Variants in KLC4 observed in about 807,000 individuals in gnomAD.
KLC4 encodes kinesin light chain 4.
In KLC4, 49 loss-of-function variants were observed where a neutral mutation model predicts 77.2. That is an observed-to-expected ratio of 0.63 (90% confidence interval 0.50 to 0.80). The LOEUF is 0.80. Ranked by LOEUF, KLC4 falls within the 30% of genes least tolerant of loss-of-function variation. The pLI is 0.00. For missense variants in KLC4, 669 were observed against 793.5 expected, an observed-to-expected ratio of 0.84 and a Z score of 1.89; for synonymous variants, 274 against 314.5, an observed-to-expected ratio of 0.87 and a Z score of 1.36.
chr6:43,074,770 C>T lies in KLC4; in HGVS notation c.*98C>T. On this transcript the variant is annotated 3_prime_UTR_variant, in exon 16 of 16. Transcript: ENST00000347162. ...GGCTCTTCCCCACCCCTAGGTGGGA[C>T]AGTGAAGGGGAGCAGTTTAACCAGA... is the stretch of plus-strand genomic sequence containing the variant. The T allele has an allele frequency of 1.0e-6, 1 of 984,696 alleles. No homozygotes were observed. Among genetic ancestry groups the T allele is most frequent in the South Asian group, 1.3e-5 (1 of 77,262 alleles). The allele number at this position is 984,696 out of a possible 1,614,324, so 61.0% of individuals were successfully genotyped here.
chr6:43,060,677 T>C, intron 1 of KLC4: 1 of 1,023,312 alleles, frequency 9.8e-7, no homozygotes, highest in African/African-American at 1.7e-5. Context: ...TCCTGGGGGG[T>C]GGGAAGTATG....
rs1486942108 is a variant in KLC4 at position 43,074,605 on chromosome 6, A to C, written c.1810-17A>C. Reference sequence around the variant, plus strand: ...GCCGAGGTCCCTGAGCTGATGGGGTAGTGTTGTCTGTTTCAGGTCTCCCGG... The same window carrying C: ...GCCGAGGTCCCTGAGCTGATGGGGTCGTGTTGTCTGTTTCAGGTCTCCCGG... On this transcript the variant is annotated splice_polypyrimidine_tract_variant and intron_variant, in intron 15 of 15. Transcript: ENST00000347162. 1 of 1,613,008 alleles carries C rather than the reference A, an allele frequency of 6.2e-7. No individual in the cohort carries two copies. The highest frequency in any genetic ancestry group is 1.7e-5 in the Admixed American group (1 of 60,018).
At chr6:43,073,615 C>G in intron 14 of KLC4, 1 of 534,490 alleles carries the variant, frequency 1.9e-6, no homozygotes, top group Non-Finnish European at 3.3e-6. Context: ...CCATTGCACT[C>G]CAGCCCAGGC....
chr6:43,069,570 A>T (rs1160417699), intron 6 of KLC4, among the ~76,000 whole-genome samples: 1 of 151,782 alleles, frequency 6.6e-6, no homozygotes, highest in Non-Finnish European at 1.5e-5. Flanking sequence ...TTTTGTTGAG[A>T]TAGAGTTTCA....
At chr6:43,074,453 A>C (rs1470509451) in intron 15 of KLC4, 169 bp from the exon 16 acceptor site, 3 of 620,880 alleles carry the variant, frequency 4.8e-6, no homozygotes, top group Non-Finnish European at 8.6e-6. Context: ...CTTCTGGAAA[A>C]CCCTAGCAGA....
chr6:43,060,193 G>A (rs1765068857), intron 1 of KLC4: 8 of 1,613,920 alleles, frequency 5.0e-6, no homozygotes, highest in Non-Finnish European at 6.8e-6. Context: ...GTAGGTGACC[G>A]TGACAGAGAC....
At chr6:43,066,752 T>C (rs1234659888) in intron 5 of KLC4, among the ~76,000 whole-genome samples, 4 of 152,172 alleles carry the variant, frequency 2.6e-5, no homozygotes, top group African/African-American at 9.6e-5. Flanking sequence ...TTCTGGGGAG[T>C]GCTCTCTCCC....
chr6:43,068,260 T>G (rs1765552780), intron 6 of KLC4, among the ~76,000 whole-genome samples: 1 of 145,726 alleles, frequency 6.9e-6, no homozygotes, highest in African/African-American at 2.6e-5. Context: ...AATCACGAGG[T>G]CAGGAGTTCA....
intron 6 of KLC4, chr6:43,067,402 T>G: frequency 2.4e-6 from 1 of 416,174 alleles, no homozygotes; most frequent in Admixed American, 4.2e-5. Flanking sequence ...AGAAAAGTAA[T>G]TTGTAAGGAC....
At chr6:43,071,675 T>A (rs1210860029) in intron 10 of KLC4, 56 bp downstream of exon 10, 92 of 1,562,674 alleles carry the variant, frequency 5.9e-5, no homozygotes, top group Non-Finnish European at 5.2e-5. Flanking sequence ...GGGGTCTCTG[T>A]CTTACTCCTT....
chr6:43,072,748 T>C (rs1158484576), intron 12 of KLC4, 76 bp from the exon 13 acceptor site: 7 of 1,463,690 alleles, frequency 4.8e-6, no homozygotes, highest in South Asian at 2.5e-5. Context: ...CAGTGGCTGA[T>C]GGTGAAAAAA....
At chr6:43,070,259 G>A (rs1275210926) in intron 6 of KLC4, 95 bp from the exon 7 acceptor site, 1 of 781,012 alleles carries the variant, frequency 1.3e-6, no homozygotes, top group Non-Finnish European at 2.2e-6. Context: ...GAGTTGTGCA[G>A]TGAGTGTTGG....
rs531066425 is a variant in KLC4, at chr6:43,063,548, G to A, written c.489+401G>A. Among the ~76,000 whole-genome samples the A allele has an allele frequency of 2.0e-5, 3 of 146,370 alleles. No individual in the cohort carries two copies. The South Asian group carries it at 6.5e-4, about 32-fold the overall frequency. ...CCCTCCTAAAATTTGCTTTCAAAAT[G>A]TGTGAATTTTTTTTTTTTTTTTGAG... On this transcript the variant is annotated intron_variant, in intron 3 of 15. Coordinates refer to ENST00000347162, the MANE Select transcript of KLC4 (RefSeq NM_201521.3).
chr6:43,071,135 A>T, intron 8 of KLC4, 140 bp from the exon 9 acceptor site: 1 of 647,956 alleles, frequency 1.5e-6, no homozygotes, highest in Non-Finnish European at 2.7e-6. Flanking sequence ...TGTGAGAAAG[A>T]TCTCTGGGGA....
chr6:43,061,085 C>G, intron 1 of KLC4: 1 of 563,538 alleles, frequency 1.8e-6, no homozygotes, highest in Non-Finnish European at 3.2e-6. Context: ...CTACTATAGT[C>G]TTCCTTTATT....
At chr6:43,061,688 A>G in intron 2 of KLC4, 95 bp downstream of exon 2, 1 of 1,252,424 alleles carries the variant, frequency 8.0e-7, no homozygotes, top group Non-Finnish European at 1.1e-6. Context: ...ACCTCACTCT[A>G]GACGTTTGCA....
At position 43,066,297 on chromosome 6, in the gene KLC4, A is replaced by G; in HGVS notation, c.572-9A>G. 1 of 1,611,198 alleles carries G rather than the reference A, an allele frequency of 6.2e-7. No homozygotes were observed. Among genetic ancestry groups the G allele is most frequent in the Non-Finnish European group, 8.5e-7 (1 of 1,177,372 alleles). Reference sequence around the variant, plus strand: ...AAGAGTCCTTTGTTTATGTTCTGTGATGGTTTAGTGTCCCGTGGTCAAGGT... The same window carrying G: ...AAGAGTCCTTTGTTTATGTTCTGTGGTGGTTTAGTGTCCCGTGGTCAAGGT... On this transcript the variant is annotated splice_polypyrimidine_tract_variant and intron_variant, in intron 4 of 15. Coordinates refer to ENST00000347162, the MANE Select transcript of KLC4 (RefSeq NM_201521.3).
At chr6:43,066,222 G>A (rs1765413519) in intron 4 of KLC4, 84 bp from the exon 5 acceptor site, 1 of 1,183,144 alleles carries the variant, frequency 8.5e-7, no homozygotes, top group Admixed American at 1.7e-5. Context: ...CACAAGTATG[G>A]AACAAGACAT....
chr6:43,074,013 A>C lies in KLC4; in HGVS notation c.1809+48A>C, dbSNP rs373024940. 179 of 1,451,990 alleles carry C rather than the reference A, an allele frequency of 1.2e-4. 3 individuals are homozygous for C. In the South Asian group the frequency reaches 1.3e-3, roughly 10 times the overall value. The allele number at this position is 1,451,990 out of a possible 1,614,324, so 89.9% of individuals were successfully genotyped here. A position where few individuals can be genotyped will look rare whatever the true frequency, so the allele number is the denominator to read the frequency against. Reference sequence around the variant, plus strand: ...TATTGGTGGGTGAGGAAAAAAGGACAGCCAGTGAGCAAGCCCAGTGGAGTA... The same window carrying C: ...TATTGGTGGGTGAGGAAAAAAGGACCGCCAGTGAGCAAGCCCAGTGGAGTA... On this transcript the variant is annotated intron_variant, in intron 15 of 15. Transcript: ENST00000347162.
Sources: allele counts gnomAD v4.1 joint callset (sites outside exome capture counted in the v4.1 genomes callset), GRCh38; gene constraint gnomAD v4.1.1; transcripts MANE v1.5; gene names NCBI Gene and HGNC (gene_info 2026-07-23, HGNC 2026-07-21).